WSB1: variants seen among roughly 807,000 people sequenced by gnomAD.
WSB1 encodes WD repeat and SOCS box containing 1.
WSB1 carries 23 observed loss-of-function variants against 50.2 expected under a neutral mutation model. The observed-to-expected ratio is 0.46, with a 90% CI of 0.33 to 0.65. The LOEUF is 0.65. WSB1 is among the 30% of genes least tolerant of loss of function. WSB1 has a pLI of 0.02. For synonymous variants in WSB1, 179 were observed against 172.0 expected (o/e 1.04, Z -0.32); for missense variants, 492 against 522.3 (o/e 0.94, Z 0.56).
chr17:27,301,082 C>T (rs1258752782), intron 1 of WSB1, among the ~76,000 whole-genome samples: 3 of 152,046 alleles, frequency 2.0e-5, no homozygotes, highest in African/African-American at 7.2e-5. Context: ...CCATGTTGGC[C>T]AGGCTGGTCT....
At chr17:27,299,825 G>A (rs1433815147) in intron 1 of WSB1, among the ~76,000 whole-genome samples, 1 of 152,134 alleles carries the variant, frequency 6.6e-6, no homozygotes, top group African/African-American at 2.4e-5. Flanking sequence ...ATAGCAGCAG[G>A]CTTATTCTCT....
intron 4 of WSB1, among the ~76,000 whole-genome samples, chr17:27,305,572 G>A (rs1468685996): frequency 5.3e-5 from 8 of 152,190 alleles, no homozygotes; most frequent in African/African-American, 1.4e-4. Flanking sequence ...AACCTTAAAT[G>A]TAAGGTCTGT....
intron 7 of WSB1, among the ~76,000 whole-genome samples, chr17:27,311,231 A>C (rs2150843860): frequency 6.6e-6 from 1 of 152,300 alleles, no homozygotes; most frequent in South Asian, 2.1e-4. Context: ...GTAAGGAGAA[A>C]GTTTCCGGGT....
In WSB1 at chr17:27,303,624, A is replaced by G; in HGVS notation, c.467A>G (p.Asp156Gly). 1 of 1,614,072 alleles carries G rather than the reference A, an allele frequency of 6.2e-7. No homozygotes were observed. The highest frequency in any genetic ancestry group is 8.5e-7 in the Non-Finnish European group (1 of 1,179,968). ...GLNNGRIKIW[D>G]VYTGKLLLNL... is the part of the protein sequence containing the mutation. ...AACAATGGGCGTATCAAAATATGGG[A>G]TGTATATACAGGTATGGATTCATAG... Residue 156 changes from aspartate (D) to glycine (G), a missense_variant, in exon 3 of 9, where the codon GAT (aspartate) becomes GGT (glycine). Physicochemically the swap from Asp to Gly is moderately conservative, Grantham distance 94 (BLOSUM62 -1). Transcript: ENST00000262394.
At position 27,300,140 on chromosome 17, in the gene WSB1, C is replaced by A. The variant is rs899269950; in HGVS notation, c.41-1648C>A. ...CTATACTAGCTGTTGATGGAGCATACATTCAGGCTGAAGAAGTACATTTTG... is the reference window on the plus strand; with the variant it reads ...CTATACTAGCTGTTGATGGAGCATAAATTCAGGCTGAAGAAGTACATTTTG... On this transcript the variant is annotated intron_variant, in intron 1 of 8. Coordinates refer to ENST00000262394, the MANE Select transcript of WSB1 (RefSeq NM_015626.10). Among the ~76,000 whole-genome samples the A allele has an allele frequency of 4.0e-4, 32 of 79,368 alleles. 1 individual carries two copies. Among genetic ancestry groups the A allele is most frequent in the African/African-American group, 2.1e-3 (31 of 14,944 alleles). 52.1% of individuals were successfully genotyped at this position (79,368 alleles called of 152,430 possible).
rs1425334260 is a variant in WSB1 at position 27,313,687 on chromosome 17, C to T, written c.*1318C>T. The T allele has an allele frequency of 6.6e-6, 1 of 151,798 alleles. No homozygotes were observed. Among genetic ancestry groups the T allele is most frequent in the Admixed American group, 6.6e-5 (1 of 15,246 alleles). The allele number at this position is 151,798 out of a possible 1,614,324, so 9.4% of individuals were successfully genotyped here. ...TAGGTGGAGTACTTTCTCTCTGTCT[C>T]CATTGTAAGGTTGATGGTACACCAC... On this transcript the variant is annotated 3_prime_UTR_variant, in exon 9 of 9. Coordinates refer to ENST00000262394, the MANE Select transcript of WSB1 (RefSeq NM_015626.10).
Position 27,294,176 on chromosome 17 carries a change from T to C in WSB1, c.-220T>C, listed in dbSNP as rs2016844425. ...CTTCCTCCGCAGGCGCGAGGCTGGGTACAGGGTCTATTGTCTGTGGTTGAC... is the reference window on the plus strand; with the variant it reads ...CTTCCTCCGCAGGCGCGAGGCTGGGCACAGGGTCTATTGTCTGTGGTTGAC... On this transcript the variant is annotated 5_prime_UTR_variant, in exon 1 of 9. Coordinates refer to ENST00000262394, the MANE Select transcript of WSB1 (RefSeq NM_015626.10). 2 of 449,558 alleles carry C rather than the reference T, an allele frequency of 4.4e-6. No homozygotes were observed. Among genetic ancestry groups the C allele is most frequent in the Non-Finnish European group, 4.0e-6 (1 of 252,694 alleles). 27.8% of individuals were successfully genotyped at this position (449,558 alleles called of 1,614,324 possible).
rs374588546 is a variant in WSB1 at position 27,306,252 on chromosome 17, G to A, written c.611-530G>A. Among the ~76,000 whole-genome samples the A allele has an allele frequency of 2.7e-3, 310 of 113,736 alleles. 1 individual carries two copies. The highest frequency in any genetic ancestry group is 4.0e-3 in the Non-Finnish European group (247 of 61,416). The allele number at this position is 113,736 out of a possible 152,430, so 74.6% of individuals were successfully genotyped here. A position where few individuals can be genotyped will look rare whatever the true frequency, so the allele number is the denominator to read the frequency against. On this transcript the variant is annotated intron_variant, in intron 4 of 8. Transcript: ENST00000262394. ...TTTTGAGATGGAGTCTCGCTCTTTCGCCCAGGCTGGAGTGCAGCGGCGTGA... is the reference window on the plus strand; with the variant it reads ...TTTTGAGATGGAGTCTCGCTCTTTCACCCAGGCTGGAGTGCAGCGGCGTGA...
intron 3 of WSB1, among the ~76,000 whole-genome samples, chr17:27,304,076 C>T (rs2017344233): frequency 6.6e-6 from 1 of 152,048 alleles, no homozygotes; most frequent in Non-Finnish European, 1.5e-5. Context: ...ATTCTTTGGG[C>T]AACTAGAAAT....
In WSB1 at chr17:27,294,116, T is replaced by G; in HGVS notation, c.-280T>G. ...GCGCCGCCCGCCATTTTGACTCCAGTGTCTCGTTTGCAGTCGGCGCTTTAG... is the reference window on the plus strand; with the variant it reads ...GCGCCGCCCGCCATTTTGACTCCAGGGTCTCGTTTGCAGTCGGCGCTTTAG... On this transcript the variant is annotated 5_prime_UTR_variant, in exon 1 of 9. Transcript: ENST00000262394. The G allele has an allele frequency of 3.6e-6, 1 of 276,530 alleles. No homozygotes were observed. Among genetic ancestry groups the G allele is most frequent in the Admixed American group, 5.4e-5 (1 of 18,672 alleles). The allele number at this position is 276,530 out of a possible 1,614,324, so 17.1% of individuals were successfully genotyped here.
chr17:27,295,528 C>T (rs1420562221), intron 1 of WSB1, among the ~76,000 whole-genome samples: 1 of 151,148 alleles, frequency 6.6e-6, no homozygotes, highest in African/African-American at 2.4e-5. Context: ...GTTTTAATAA[C>T]CATTTTTAAA....
At chr17:27,307,136 A>G in intron 5 of WSB1, 1 of 451,882 alleles carries the variant, frequency 2.2e-6, no homozygotes, top group South Asian at 2.6e-5. Context: ...TTGTAAGTCT[A>G]GAAAAGTTTA....
At chr17:27,300,687 G>GTT (rs1047833610) in intron 1 of WSB1, among the ~76,000 whole-genome samples, 9 of 142,886 alleles carry the variant, frequency 6.3e-5, no homozygotes, top group African/African-American at 2.3e-4. Context: ...ATGCATTTTG[G>GTT]TTTTTTTTGT....
At position 27,301,679 on chromosome 17, in the gene WSB1, C is replaced by A. The variant is rs562219071; in HGVS notation, c.41-109C>A. On this transcript the variant is annotated intron_variant, in intron 1 of 8. Transcript: ENST00000262394. ...GGATGGAATGCAGAACTCACTATAC[C>A]CTGTCTGCATAGAAGAGGGAAGAAA... 372 of 1,148,372 alleles carry A rather than the reference C, an allele frequency of 3.2e-4. 2 individuals are homozygous for A. Among genetic ancestry groups the A allele is most frequent in the Middle Eastern group, 3.1e-3 (12 of 3,880 alleles). 71.1% of individuals were successfully genotyped at this position (1,148,372 alleles called of 1,614,324 possible).
chr17:27,312,024 T>TA (rs1223484143), intron 8 of WSB1, among the ~76,000 whole-genome samples, 186 bp from the exon 9 acceptor site: 1 of 152,220 alleles, frequency 6.6e-6, no homozygotes, highest in Non-Finnish European at 1.5e-5. Flanking sequence ...AAAACTCTAA[T>TA]AAGTGTTCTT....
At chr17:27,297,759 C>T (rs1394961018) in intron 1 of WSB1, among the ~76,000 whole-genome samples, 2 of 152,124 alleles carry the variant, frequency 1.3e-5, no homozygotes, top group Admixed American at 1.3e-4. Context: ...TACCACTATA[C>T]ACAAGGAGTT....
intron 1 of WSB1, among the ~76,000 whole-genome samples, chr17:27,295,282 AAT>A (rs1230416793): frequency 6.6e-6 from 1 of 152,226 alleles, no homozygotes; most frequent in African/African-American, 2.4e-5. Flanking sequence ...TGTGTGAAGT[AAT>A]AATTAGCTGC....
In WSB1 at chr17:27,310,144, G is replaced by T; in HGVS notation, c.968G>T (p.Gly323Val). 1 of 1,614,040 alleles carries T rather than the reference G, an allele frequency of 6.2e-7. No homozygotes were observed. The highest frequency in any genetic ancestry group is 8.5e-7 in the Non-Finnish European group (1 of 1,179,940). The change falls in exon 7 of 9, where the codon GGA becomes GTA. Residue 323 changes from glycine to valine, a missense_variant. Coordinates refer to ENST00000262394, the MANE Select transcript of WSB1 (RefSeq NM_015626.10). ...WVRSVSFSHD[G>V]LHVASLADDK... ...CGATCTGTATCTTTTAGCCATGATGGACTGCATGTTGCAAGCCTTGCTGAT... is the reference window on the plus strand; with the variant it reads ...CGATCTGTATCTTTTAGCCATGATGTACTGCATGTTGCAAGCCTTGCTGAT...
Position 27,310,056 on chromosome 17 carries a change from C to A in WSB1, c.885-5C>A, listed in dbSNP as rs766284261. ...TATCCACTGAAAACATATATTTGAC[C>A]TCAGGCACCTGTTTCCCCCACCTAC... On this transcript the variant is annotated splice_polypyrimidine_tract_variant and splice_region_variant and intron_variant, in intron 6 of 8. Coordinates refer to ENST00000262394, the MANE Select transcript of WSB1 (RefSeq NM_015626.10). 1.2e-6 allele frequency: 2 copies of A among 1,613,212 alleles called. No individual in the cohort carries two copies. Among genetic ancestry groups the A allele is most frequent in the African/African-American group, 2.7e-5 (2 of 74,886 alleles).
Sources: allele counts gnomAD v4.1 joint callset (sites outside exome capture counted in the v4.1 genomes callset), GRCh38; gene constraint gnomAD v4.1.1; transcripts MANE v1.5; gene names NCBI Gene and HGNC (gene_info 2026-07-23, HGNC 2026-07-21).